AGBL4: variants seen among roughly 807,000 people sequenced by gnomAD.
AGBL4 encodes cytosolic carboxypeptidase 6.
Under a neutral mutation model 66.4 loss-of-function variants are expected in AGBL4, and 58 were observed. That is an observed-to-expected ratio of 0.87 (90% CI 0.71 to 1.09). The LOEUF (loss-of-function observed/expected upper bound fraction) is 1.09. Ranked by LOEUF, AGBL4 falls within the 50% of genes least tolerant of loss-of-function variation. The pLI, the probability that AGBL4 is intolerant of heterozygous loss-of-function variation, is 0.00. For synonymous variants in AGBL4, 234 were observed against 222.9 expected (o/e 1.05, Z -0.44); for missense variants, 579 against 631.0 (o/e 0.92, Z 0.88).
At chr1:49,555,138 A>G (rs891229420) in intron 3 of AGBL4, among the ~76,000 whole-genome samples, 12 of 152,150 alleles carry the variant, frequency 7.9e-5, no homozygotes, top group Non-Finnish European at 1.6e-4. Context: ...GGTCCATTTT[A>G]CAGAGAGCTG....
At chr1:48,940,041 G>C (rs755055311) in intron 5 of AGBL4, among the ~76,000 whole-genome samples, 6 of 152,194 alleles carry the variant, frequency 3.9e-5, no homozygotes, top group Non-Finnish European at 7.3e-5. Context: ...GCAAAACCCT[G>C]TTCTAGTCCC....
intron 4 of AGBL4, among the ~76,000 whole-genome samples, chr1:49,240,949 T>C (rs1166560861): frequency 6.6e-6 from 1 of 152,000 alleles, no homozygotes; most frequent in African/African-American, 2.4e-5. Context: ...ATCCCTTCTG[T>C]TGTTCATGCC....
chr1:49,835,482 G>A (rs1259766148), intron 2 of AGBL4, among the ~76,000 whole-genome samples: 3 of 152,036 alleles, frequency 2.0e-5, no homozygotes, highest in Admixed American at 6.6e-5. Context: ...TGTGAGACGG[G>A]TCTCCTGAAT....
chr1:49,196,049 T>C (rs578147267), intron 4 of AGBL4, among the ~76,000 whole-genome samples: 1 of 152,300 alleles, frequency 6.6e-6, no homozygotes, highest in South Asian at 2.1e-4. Context: ...TCCACCATGA[T>C]TGTAAGTTTC....
intron 6 of AGBL4, among the ~76,000 whole-genome samples, chr1:48,844,320 C>A (rs972855706): frequency 6.6e-6 from 1 of 152,184 alleles, no homozygotes; most frequent in Admixed American, 6.5e-5. Context: ...TTCATGAAAG[C>A]GTAGTCTCCA....
chr1:49,526,890 C>T (rs1049660409), intron 3 of AGBL4, among the ~76,000 whole-genome samples: 2 of 152,062 alleles, frequency 1.3e-5, no homozygotes, highest in African/African-American at 4.8e-5. Flanking sequence ...AAGGTAAAAG[C>T]AGTAGAAAAA....
chr1:48,935,454 G>A (rs75336828), intron 5 of AGBL4, among the ~76,000 whole-genome samples: 89 of 152,144 alleles, frequency 5.8e-4, no homozygotes, highest in Non-Finnish European at 9.6e-4. Flanking sequence ...ACTGCTGCTC[G>A]TTATTGGCAA....
intron 3 of AGBL4, among the ~76,000 whole-genome samples, chr1:49,313,991 A>G (rs1431747560): frequency 6.6e-6 from 1 of 152,098 alleles, no homozygotes; most frequent in Non-Finnish European, 1.5e-5. Context: ...TAGGGTTTTC[A>G]TGGTTTTAGG....
chr1:48,742,666 G>A lies in AGBL4; in HGVS notation c.635-79425C>T, dbSNP rs374644523. The A allele has an allele frequency of 3.7e-6, 6 of 1,609,508 alleles. No homozygotes were observed. The African/African-American group carries it at 6.7e-5, about 18-fold the overall frequency. On this transcript the variant is annotated intron_variant, in intron 6 of 13. Transcript: ENST00000371839. Reference sequence around the variant, plus strand: ...ATACTTGTCCATGACAGGCGCAGGAGCGGGGTAATAGGACGACGTATTTGC... The same window carrying A: ...ATACTTGTCCATGACAGGCGCAGGAACGGGGTAATAGGACGACGTATTTGC...
intron 5 of AGBL4, among the ~76,000 whole-genome samples, chr1:48,962,123 A>G (rs1557505273): frequency 1.3e-5 from 2 of 150,308 alleles, no homozygotes; most frequent in East Asian, 1.9e-4. Flanking sequence ...CCATCCATCC[A>G]TCCGTCCATC....
At chr1:48,731,790 C>T (rs933136621) in intron 6 of AGBL4, among the ~76,000 whole-genome samples, 69 of 152,274 alleles carry the variant, frequency 4.5e-4, no homozygotes, top group Middle Eastern at 3.4e-3. Flanking sequence ...GAGATATAGC[C>T]AGAAACCAGA....
chr1:48,895,160 GA>G (rs1422652953), intron 5 of AGBL4, among the ~76,000 whole-genome samples: 2 of 152,148 alleles, frequency 1.3e-5, no homozygotes. Context: ...TCCTTCTCCT[GA>G]AAATGCAGCA....
At chr1:48,565,812 G>A (rs974591840) in intron 11 of AGBL4, among the ~76,000 whole-genome samples, 3 of 152,206 alleles carry the variant, frequency 2.0e-5, no homozygotes, top group Admixed American at 6.5e-5. Flanking sequence ...TGGGGAAGCC[G>A]TCTAGGGCAG....
chr1:49,053,247 A>T (rs556338764), intron 4 of AGBL4, among the ~76,000 whole-genome samples: 2 of 152,282 alleles, frequency 1.3e-5, no homozygotes, highest in East Asian at 3.9e-4. Flanking sequence ...GTCTTAATTT[A>T]AATATATGCT....
At chr1:49,134,386 G>A (rs1408881631) in intron 4 of AGBL4, among the ~76,000 whole-genome samples, 1 of 151,934 alleles carries the variant, frequency 6.6e-6, no homozygotes, top group African/African-American at 2.4e-5. Flanking sequence ...ATCCTAGCAA[G>A]CCTGGGGGCA....
At chr1:49,591,491 A>G (rs1290649743) in intron 3 of AGBL4, among the ~76,000 whole-genome samples, 1 of 152,170 alleles carries the variant, frequency 6.6e-6, no homozygotes, top group African/African-American at 2.4e-5. Flanking sequence ...TTCATTCTCT[A>G]TCGTTAAAAT....
intron 3 of AGBL4, among the ~76,000 whole-genome samples, chr1:49,382,222 A>G (rs1177080353): frequency 6.6e-6 from 1 of 152,160 alleles, no homozygotes; most frequent in Non-Finnish European, 1.5e-5. Context: ...AACAAGAACG[A>G]GAACAAGATA....
chr1:49,035,152 G>A (rs2149041064), intron 5 of AGBL4, among the ~76,000 whole-genome samples: 1 of 152,186 alleles, frequency 6.6e-6, no homozygotes, highest in East Asian at 1.9e-4. Context: ...TACTAGTAAT[G>A]AACCAATGTT....
chr1:49,033,318 G>C (rs1035983768), intron 5 of AGBL4, among the ~76,000 whole-genome samples: 1 of 152,068 alleles, frequency 6.6e-6, no homozygotes, highest in Non-Finnish European at 1.5e-5. Context: ...CTGAGAGGTG[G>C]ATTAGGGGCT....
Sources: gnomAD v4.1 joint callset for allele counts (sites outside exome capture counted in the v4.1 genomes callset) on GRCh38, gnomAD v4.1.1 for gene constraint, MANE v1.5 for transcripts, NCBI Gene and HGNC (gene_info 2026-07-23, HGNC 2026-07-21) for gene names.